The following PRKCZ variants were observed in gnomAD, a reference collection of about 807,000 sequenced individuals.
The protein encoded by PRKCZ is protein kinase C zeta, also known as protein kinase C zeta type.
PRKCZ carries 33 observed loss-of-function variants against 79.5 expected under a neutral mutation model. The observed-to-expected ratio is 0.41, with a 90% CI of 0.31 to 0.55. The LOEUF (loss-of-function observed/expected upper bound fraction) is 0.55, where lower values mean the gene tolerates loss of function less well. Among genes scored for constraint, PRKCZ ranks in the 20% least tolerant of loss-of-function variants. The pLI, the probability that PRKCZ is intolerant of heterozygous loss-of-function variation, is 0.19. For missense variants in PRKCZ, 578 were observed against 813.5 expected, an observed-to-expected ratio of 0.71 and a Z score of 3.52; for synonymous variants, 342 against 320.9, an observed-to-expected ratio of 1.07 and a Z score of -0.70.
Position 2,075,920 on chromosome 1 carries a change from C to T in PRKCZ, c.334+16329C>T, listed in dbSNP as rs189965077. Among the ~76,000 whole-genome samples the T allele has an allele frequency of 0.014, 2,205 of 152,342 alleles. 21 individuals carry two copies. The highest frequency in any genetic ancestry group is 0.021 in the Non-Finnish European group (1,406 of 68,030). On this transcript the variant is annotated intron_variant, in intron 4 of 17. Coordinates refer to ENST00000378567, the MANE Select transcript of PRKCZ (RefSeq NM_002744.6). This position sits in a 1 kb window ranked among gnomAD's most constrained non-coding sequence, Gnocchi z 4.8. ...GTCTCATCTGCCACACGTTTCTGAT[C>T]GCCGAGGACTCAGCCGGGCACATGG... is the stretch of plus-strand genomic sequence containing the variant.
At chr1:2,175,984 A>G (rs901510342) in intron 16 of PRKCZ, among the ~76,000 whole-genome samples, 8 of 152,134 alleles carry the variant, frequency 5.3e-5, no homozygotes, top group African/African-American at 1.9e-4. Context: ...TTTTATCAGC[A>G]GTTACTGGAC....
At chr1:2,074,002 G>A in intron 4 of PRKCZ, 2 of 1,420,700 alleles carry the variant, frequency 1.4e-6, no homozygotes, top group East Asian at 2.6e-5. Flanking sequence ...CAGGCCCTGT[G>A]CGTGCGGAGG....
intron 1 of PRKCZ, among the ~76,000 whole-genome samples, chr1:2,054,079 C>T (rs1166914335): frequency 6.6e-6 from 1 of 152,174 alleles, no homozygotes; most frequent in Non-Finnish European, 1.5e-5. Flanking sequence ...TGGACCGATC[C>T]TGTGTTCTGT....
intron 3 of PRKCZ, among the ~76,000 whole-genome samples, chr1:2,058,306 ATTTTTTTTTT>A: frequency 8.0e-6 from 1 of 125,342 alleles, no homozygotes; most frequent in Admixed American, 7.8e-5. Context: ...CCCGGCCCCA[ATTTTTTTTTT>A]TTTTTTTTTT....
intron 5 of PRKCZ, chr1:2,143,356 GAGGTGAGCTCTGTAAT>G (rs1438063452): frequency 1.3e-5 from 2 of 152,232 alleles, no homozygotes; most frequent in African/African-American, 4.8e-5. Flanking sequence ...ACTCAGGTGT[GAGGTGAGCTCTGTAAT>G]AGGAAGGAAA....
At chr1:2,130,245 G>T (rs149938971) in intron 4 of PRKCZ, among the ~76,000 whole-genome samples, 9 of 152,192 alleles carry the variant, frequency 5.9e-5, no homozygotes, top group African/African-American at 1.9e-4. Context: ...CCTGCTGTCC[G>T]TTATCCCTTA....
chr1:2,155,745 T>G (rs1571879784), intron 9 of PRKCZ, among the ~76,000 whole-genome samples: 1 of 149,502 alleles, frequency 6.7e-6, no homozygotes, highest in African/African-American at 2.5e-5. Context: ...GGGGGTAGGG[T>G]GTATGGTGAC....
At chr1:2,147,655 T>A (rs906741408) in intron 7 of PRKCZ, among the ~76,000 whole-genome samples, 1 of 148,344 alleles carries the variant, frequency 6.7e-6, no homozygotes, top group Admixed American at 6.7e-5. Flanking sequence ...ATCCATCTAT[T>A]GTCCACTGAC....
At chr1:2,065,908 GAC>G (rs915873196) in intron 4 of PRKCZ, among the ~76,000 whole-genome samples, 13 of 152,074 alleles carry the variant, frequency 8.5e-5, no homozygotes, top group African/African-American at 3.1e-4. Context: ...CATCAGTTGA[GAC>G]GATCATGTGT....
rs941930850 is a variant in PRKCZ at position 2,149,676 on chromosome 1, C to T, written c.687+752C>T. Among the ~76,000 whole-genome samples, 1 of 152,100 alleles carries T rather than the reference C, an allele frequency of 6.6e-6. No individual in the cohort carries two copies. The highest frequency in any genetic ancestry group is 2.4e-5 in the African/African-American group (1 of 41,426). ...CTCGAGAACAGCCTGGGCAGCATAGCGAGACCCTGTTCCTACAAAAATAAA... is the reference window on the plus strand; with the variant it reads ...CTCGAGAACAGCCTGGGCAGCATAGTGAGACCCTGTTCCTACAAAAATAAA... On this transcript the variant is annotated intron_variant, in intron 8 of 17. Transcript: ENST00000378567. This position sits in a 1 kb window ranked among gnomAD's most constrained non-coding sequence, Gnocchi z 4.1.
intron 4 of PRKCZ, chr1:2,104,829 GT>G: frequency 1.0e-6 from 1 of 985,836 alleles, no homozygotes; most frequent in Non-Finnish European, 1.2e-6. Context: ...TCCTCGCCGG[GT>G]GTTGCGGTGT....
At position 2,103,408 on chromosome 1, in the gene PRKCZ, G is replaced by GGTGCAGTGGCCGGTGCTGAGCAGCC. The variant is rs368116391; in HGVS notation, c.335-31853_335-31852insTGCAGTGGCCGGTGCTGAGCAGCCG. ...CAAGACACAGTTACACAGAGTGTGG[G>GGTGCAGTGGCCGGTGCTGAGCAGCC]GGATGGTTCATCAGCAGCTGGCACG... On this transcript the variant is annotated intron_variant, in intron 4 of 17. Transcript: ENST00000378567. Among the ~76,000 whole-genome samples, 1,067 of 152,322 alleles carry GGTGCAGTGGCCGGTGCTGAGCAGCC rather than the reference G, an allele frequency of 7.0e-3. 10 individuals carry two copies. The highest frequency in any genetic ancestry group is 0.025 in the African/African-American group (1,028 of 41,580).
rs1244882941 is a variant in PRKCZ at position 2,144,629 on chromosome 1, AT to A, written c.552+290del. The A allele has an allele frequency of 3.2e-6, 4 of 1,232,338 alleles. No homozygotes were observed. The Admixed American group carries it at 1.1e-4, about 34-fold the overall frequency. 76.3% of individuals were successfully genotyped at this position (1,232,338 alleles called of 1,614,324 possible). On this transcript the variant is annotated intron_variant, in intron 6 of 17. Coordinates refer to ENST00000378567, the MANE Select transcript of PRKCZ (RefSeq NM_002744.6). The stretch of plus-strand genomic sequence containing the variant: ...GCTCAGTGGGTCGGAGGTAAGGTTC[AT>A]TCATACCCCAGTCTTGAACCAGCTC...
chr1:2,170,451 A>G (rs532542780), intron 11 of PRKCZ, among the ~76,000 whole-genome samples: 155 of 152,194 alleles, frequency 1.0e-3, no homozygotes, highest in African/African-American at 3.5e-3. Flanking sequence ...CAATAAATCT[A>G]GAACAGTACA....
rs535522629 is a variant in PRKCZ at position 2,147,379 on chromosome 1, A to G, written c.634+1271A>G. Among the ~76,000 whole-genome samples, 20 of 134,692 alleles carry G rather than the reference A, an allele frequency of 1.5e-4. No homozygotes were observed. In the South Asian group the frequency reaches 3.8e-3, roughly 26 times the overall value. 88.4% of individuals were successfully genotyped at this position (134,692 alleles called of 152,430 possible). ...CCATCTATTGTCCACTGACCTCTCT[A>G]TCTATCCATCTATTGTTCACTGACC... is the stretch of plus-strand genomic sequence containing the variant. On this transcript the variant is annotated intron_variant, in intron 7 of 17. Transcript: ENST00000378567.
At chr1:2,126,900 A>G (rs1674017664) in intron 4 of PRKCZ, among the ~76,000 whole-genome samples, 1 of 152,138 alleles carries the variant, frequency 6.6e-6, no homozygotes, top group Admixed American at 6.5e-5. Flanking sequence ...TGACACCCTG[A>G]TACCCATTGT....
intron 16 of PRKCZ, chr1:2,182,243 A>G (rs1686746714): frequency 5.1e-6 from 1 of 197,208 alleles, no homozygotes; most frequent in Admixed American, 6.2e-5. Flanking sequence ...TGGGCCCTGC[A>G]GTGGAGTGGG....
intron 4 of PRKCZ, among the ~76,000 whole-genome samples, chr1:2,084,262 C>T (rs758005207): frequency 8.5e-5 from 13 of 152,176 alleles, no homozygotes; most frequent in Non-Finnish European, 1.6e-4. Flanking sequence ...CAAAAAACAT[C>T]GCATATTGGC....
At position 2,121,634 on chromosome 1, in the gene PRKCZ, A is replaced by AGGGTCACG. The variant is rs1557612536; in HGVS notation, c.335-13627_335-13626insGGTCACGG. 8.0e-3 allele frequency among the ~76,000 whole-genome samples: 102 copies of AGGGTCACG among 12,700 alleles called. 44 individuals carry two copies. The highest frequency in any genetic ancestry group is 0.016 in the South Asian group (7 of 434). 8.3% of individuals were successfully genotyped at this position (12,700 alleles called of 152,430 possible). On this transcript the variant is annotated intron_variant, in intron 4 of 17. Coordinates refer to ENST00000378567, the MANE Select transcript of PRKCZ (RefSeq NM_002744.6). ...GGGTCATGGTGGTGGTTAGGGTCAC[A>AGGGTCACG]GTGGTAGTTAGGGTCACGGTGGTGG...
Sources: allele counts gnomAD v4.1 joint callset (sites outside exome capture counted in the v4.1 genomes callset), GRCh38; gene constraint gnomAD v4.1.1; non-coding constraint Gnocchi (gnomAD v3.1); transcripts MANE v1.5; gene names NCBI Gene and HGNC (gene_info 2026-07-23, HGNC 2026-07-21).